ACTN4: variants seen among roughly 807,000 people sequenced by gnomAD.
The protein encoded by ACTN4 is actinin alpha 4.
ACTN4 carries 18 observed loss-of-function variants against 114.2 expected under a neutral mutation model. The ratio of observed to expected loss-of-function variants is 0.16; its 90% CI spans 0.11 to 0.23. The LOEUF (loss-of-function observed/expected upper bound fraction) is 0.23, where lower values mean the gene tolerates loss of function less well. Ranked by LOEUF, ACTN4 falls within the 10% of genes least tolerant of loss-of-function variation. The pLI is 1.00. For synonymous variants in ACTN4, 515 were observed against 506.3 expected (o/e 1.02, Z -0.23); for missense variants, 722 against 1,262.9 (o/e 0.57, Z 6.49).
At chr19:38,708,798 G>C (rs1239546048) in intron 6 of ACTN4, among the ~76,000 whole-genome samples, 1 of 152,246 alleles carries the variant, frequency 6.6e-6, no homozygotes, top group Non-Finnish European at 1.5e-5. Flanking sequence ...AGCCAGGAAA[G>C]GTCCCGGAAG....
chr19:38,716,456 C>A (rs1409023411), intron 9 of ACTN4, among the ~76,000 whole-genome samples: 1 of 152,194 alleles, frequency 6.6e-6, no homozygotes, highest in Non-Finnish European at 1.5e-5. Context: ...GGCAGTGGGG[C>A]ATGTGACAGC....
rs888809295 is a variant in ACTN4 at position 38,717,505 on chromosome 19, A to G, written c.1143+189A>G. 2.0e-5 allele frequency among the ~76,000 whole-genome samples: 3 copies of G among 151,832 alleles called. No individual in the cohort carries two copies. The highest frequency in any genetic ancestry group is 7.3e-5 in the African/African-American group (3 of 41,294). On this transcript the variant is annotated intron_variant, in intron 10 of 20. Transcript: ENST00000252699. The surrounding 1 kb of genome is among the most constrained non-coding windows in gnomAD (Gnocchi z 4.0). ...GGCATTGTGCTCCCCTTTGGCCCTC[A>G]CTCACTGTATTTTACACCCAGGGTT...
In ACTN4 at chr19:38,720,320, C is replaced by T. The variant is rs74738129; in HGVS notation, c.1292-1218C>T. Among the ~76,000 whole-genome samples the T allele has an allele frequency of 6.6e-3, 999 of 152,310 alleles. 17 individuals carry two copies. Among genetic ancestry groups the T allele is most frequent in the Admixed American group, 0.032 (496 of 15,302 alleles). On this transcript the variant is annotated intron_variant, in intron 11 of 20. Coordinates refer to ENST00000252699, the MANE Select transcript of ACTN4 (RefSeq NM_004924.6). ...TGGCCTGGATCCCAGATAGCTGTGG[C>T]AATGGTCCGCTGCCCACATCCTCTC...
intron 1 of ACTN4, among the ~76,000 whole-genome samples, chr19:38,653,538 A>G (rs1976629806): frequency 6.6e-6 from 1 of 152,152 alleles, no homozygotes; most frequent in Non-Finnish European, 1.5e-5. Flanking sequence ...GGTTTTCTGA[A>G]TAGCTGAAAT....
chr19:38,670,382 G>A (rs770004702), intron 1 of ACTN4, among the ~76,000 whole-genome samples: 2 of 152,228 alleles, frequency 1.3e-5, no homozygotes, highest in African/African-American at 2.4e-5. Flanking sequence ...CTCAGAGCAG[G>A]TGATCCTGTC....
intron 11 of ACTN4, among the ~76,000 whole-genome samples, chr19:38,718,662 C>G (rs1831996160): frequency 6.6e-6 from 1 of 152,200 alleles, no homozygotes. Context: ...GTCAGTCATC[C>G]AGGAACACAG....
Position 38,665,368 on chromosome 19 carries a change from C to T in ACTN4, c.162+17461C>T, listed in dbSNP as rs77203046. ...TCCTATCCTCAGTTTGAGGATTAGA[C>T]GTGATAGTGCGCAGGAAGCACTCTG... is the stretch of plus-strand genomic sequence containing the variant. On this transcript the variant is annotated intron_variant, in intron 1 of 20. Transcript: ENST00000252699. Among the ~76,000 whole-genome samples the T allele has an allele frequency of 9.4e-3, 1,429 of 152,264 alleles. 22 individuals carry two copies. Among genetic ancestry groups the T allele is most frequent in the African/African-American group, 0.031 (1,284 of 41,526 alleles).
chr19:38,710,282 C>T lies in ACTN4; in HGVS notation c.759C>T (p.Asp253=), dbSNP rs749219690. The change falls in exon 8 of 21, where the codon GAC becomes GAT. Residue 253 remains aspartate (D), a synonymous_variant. Transcript: ENST00000252699. ...AEDIVNTARP[D]EKAIMTYVSS... ...ACATCGTGAACACGGCCCGGCCCGACGAGAAGGCCATAATGACCTATGTGT... is the reference window on the plus strand; with the variant it reads ...ACATCGTGAACACGGCCCGGCCCGATGAGAAGGCCATAATGACCTATGTGT... 2.1e-5 allele frequency: 34 copies of T among 1,614,034 alleles called. No individual in the cohort carries two copies. The highest frequency in any genetic ancestry group is 4.0e-5 in the African/African-American group (3 of 74,950).
At chr19:38,677,744 T>C (rs1474035255) in intron 1 of ACTN4, among the ~76,000 whole-genome samples, 1 of 152,194 alleles carries the variant, frequency 6.6e-6, no homozygotes. Flanking sequence ...TTTTCTTTTT[T>C]TTCTTTTTCT....
At position 38,717,794 on chromosome 19, in the gene ACTN4, TATA is replaced by T; in HGVS notation, c.1144-129_1144-127del. On this transcript the variant is annotated intron_variant, in intron 10 of 20. Coordinates refer to ENST00000252699, the MANE Select transcript of ACTN4 (RefSeq NM_004924.6). The surrounding 1 kb of genome is among the most constrained non-coding windows in gnomAD (Gnocchi z 4.0). ...GGGGGGCCCTGTGTAGGCATCCAGG[TATA>T]ATAGCAAAGCATGACACAGACATGA... is the stretch of plus-strand genomic sequence containing the variant. 1 of 1,226,698 alleles carries T rather than the reference TATA, an allele frequency of 8.2e-7. No homozygotes were observed. The highest frequency in any genetic ancestry group is 1.3e-5 in the South Asian group (1 of 76,014). 76.0% of individuals were successfully genotyped at this position (1,226,698 alleles called of 1,614,324 possible). A position where few individuals can be genotyped will look rare whatever the true frequency, so the allele number is the denominator to read the frequency against.
intron 5 of ACTN4, 32 bp downstream of exon 5, chr19:38,706,163 C>A (rs1968452766): frequency 1.3e-6 from 2 of 1,597,440 alleles, no homozygotes; most frequent in East Asian, 4.5e-5. Context: ...CCTCTCCTTT[C>A]CTCTAGGAAC....
chr19:38,651,941 C>T (rs1177247363), intron 1 of ACTN4, among the ~76,000 whole-genome samples: 3 of 152,036 alleles, frequency 2.0e-5, no homozygotes, highest in African/African-American at 7.3e-5. Flanking sequence ...ACCATGTTGG[C>T]CAGGCTGGTC....
chr19:38,686,957 CAG>C (rs1967763785), intron 1 of ACTN4, among the ~76,000 whole-genome samples: 1 of 144,958 alleles, frequency 6.9e-6, no homozygotes, highest in Admixed American at 7.1e-5. Context: ...AATCTGGTGG[CAG>C]AGTCTCTTTT....
rs1568750930 is a variant in ACTN4 at position 38,727,904 on chromosome 19, CG to C, written c.2338-41del. On this transcript the variant is annotated intron_variant, in intron 18 of 20. Coordinates refer to ENST00000252699, the MANE Select transcript of ACTN4 (RefSeq NM_004924.6). The surrounding 1 kb of genome is among the most constrained non-coding windows in gnomAD (Gnocchi z 5.4). ...CCCCGATCCCTCATCCTGGTCTCCA[CG>C]CCGCCCCTCCCGCACACCTGCCTTC... 2 of 1,597,594 alleles carry C rather than the reference CG, an allele frequency of 1.3e-6. No individual in the cohort carries two copies. The highest frequency in any genetic ancestry group is 1.7e-5 in the Admixed American group (1 of 59,396).
chr19:38,693,786 C>T (rs926876921), intron 1 of ACTN4, among the ~76,000 whole-genome samples: 2 of 152,212 alleles, frequency 1.3e-5, no homozygotes, highest in East Asian at 3.9e-4. Context: ...CTCCGTCTCC[C>T]TCCTGCAGCC....
rs191531673 is a variant in ACTN4, at chr19:38,663,067, G to A, written c.162+15160G>A. ...TGGGATTACAGGTGCCGGCCACCAC[G>A]CCTAGCTAGTTTTTTGTATTTTTAG... On this transcript the variant is annotated intron_variant, in intron 1 of 20. Transcript: ENST00000252699. 1.3e-3 allele frequency among the ~76,000 whole-genome samples: 197 copies of A among 152,156 alleles called. 4 individuals carry two copies. In the South Asian group the frequency reaches 0.027, roughly 21 times the overall value.
chr19:38,721,545 A>G lies in ACTN4; in HGVS notation c.1299A>G (p.Glu433=), dbSNP rs1969041710. 1.2e-6 allele frequency: 2 copies of G among 1,613,954 alleles called. No homozygotes were observed. Among genetic ancestry groups the G allele is most frequent in the Non-Finnish European group, 1.7e-6 (2 of 1,180,016 alleles). The stretch of plus-strand genomic sequence containing the variant: ...TCTCTCTGCTCCTACCAGGGAAGGA[A>G]GCCATGCTGAAGCACCGGGACTACG... ...SIHEAWTDGK[E]AMLKHRDYET... is the part of the protein sequence containing the mutation. The change falls in exon 12 of 21, where the codon GAA becomes GAG. Residue 433 remains glutamate (E), a synonymous_variant. Transcript: ENST00000252699.
chr19:38,693,404 A>T (rs1967993980), intron 1 of ACTN4: 1 of 152,508 alleles, frequency 6.6e-6, no homozygotes, highest in Non-Finnish European at 1.5e-5. Context: ...TTCTGAGAAC[A>T]TGTTTTGTAA....
chr19:38,688,200 G>A (rs1233157527), intron 1 of ACTN4, among the ~76,000 whole-genome samples: 3 of 152,058 alleles, frequency 2.0e-5, no homozygotes, highest in African/African-American at 4.8e-5. Flanking sequence ...TTGGGGCCAC[G>A]AATTGGAGAC....
Sources: allele counts gnomAD v4.1 joint callset (sites outside exome capture counted in the v4.1 genomes callset), GRCh38; gene constraint gnomAD v4.1.1; non-coding constraint Gnocchi (gnomAD v3.1); transcripts MANE v1.5; gene names NCBI Gene and HGNC (gene_info 2026-07-23, HGNC 2026-07-21).